UBR4: variants seen among roughly 807,000 people sequenced by gnomAD.
UBR4 encodes ubiquitin protein ligase E3 component n-recognin 4.
UBR4 carries 124 observed loss-of-function variants against 575.6 expected under a neutral mutation model. The observed-to-expected ratio is 0.22, with a 90% confidence interval of 0.19 to 0.25. UBR4 has a LOEUF of 0.25. UBR4 is among the 10% of genes least tolerant of loss of function. UBR4 has a pLI of 1.00. For missense variants in UBR4, 4,818 were observed against 6,478.8 expected (o/e 0.74, Z 8.80); for synonymous variants, 2,455 against 2,473.7 (o/e 0.99, Z 0.22).
At chr1:19,114,208 C>G (rs1291362050) in intron 75 of UBR4, 138 bp from the exon 76 acceptor site, 1 of 1,145,002 alleles carries the variant, frequency 8.7e-7, no homozygotes, top group East Asian at 2.5e-5. Flanking sequence ...CTGTTCTTCA[C>G]AATAATCTTT....
At position 19,096,506 on chromosome 1, in the gene UBR4, T is replaced by C; in HGVS notation, c.13518+17A>G. ...TGCAGAAAGGCTGGCCCCCACAACTTGCTGCCCCCAACTCACTGTTAGAAG... is the reference window on the plus strand; with the variant it reads ...TGCAGAAAGGCTGGCCCCCACAACTCGCTGCCCCCAACTCACTGTTAGAAG... On this transcript the variant is annotated intron_variant, in intron 92 of 105. Coordinates refer to ENST00000375254, the MANE Select transcript of UBR4 (RefSeq NM_020765.3). 6.2e-7 allele frequency: 1 copy of C among 1,608,944 alleles called. No homozygotes were observed.
In UBR4 at chr1:19,093,206, G is replaced by A; in HGVS notation, c.14111+107C>T. 1 of 1,418,076 alleles carries A rather than the reference G, an allele frequency of 7.1e-7. No individual in the cohort carries two copies. Among genetic ancestry groups the A allele is most frequent in the Non-Finnish European group, 9.6e-7 (1 of 1,039,084 alleles). 87.8% of individuals were successfully genotyped at this position (1,418,076 alleles called of 1,614,324 possible). On this transcript the variant is annotated intron_variant, in intron 96 of 105. Transcript: ENST00000375254. The surrounding 1 kb of genome is among the most constrained non-coding windows in gnomAD (Gnocchi z 4.8). ...TCCAGAAGCGGTTGGGAGGCCCCAA[G>A]GAGGGCAAGGGGCACACGTGAAGCT... is the stretch of plus-strand genomic sequence containing the variant.
chr1:19,112,862 G>A lies in UBR4; in HGVS notation c.11463C>T (p.Val3821=). ...FDELSKIIQK[V]FASRKELLEY... is the part of the protein sequence containing the mutation. ...CCAACAACTCTTTGCGCGAAGCAAA[G>A]ACTTTCTAAGAACAAAAAGGCAACA... The change falls in exon 78 of 106, where the codon GTC becomes GTT. Residue 3821 remains valine (V), a synonymous_variant. Coordinates refer to ENST00000375254, the MANE Select transcript of UBR4 (RefSeq NM_020765.3). 1 of 1,563,802 alleles carries A rather than the reference G, an allele frequency of 6.4e-7. No individual in the cohort carries two copies. Among genetic ancestry groups the A allele is most frequent in the Non-Finnish European group, 8.7e-7 (1 of 1,151,176 alleles).
chr1:19,141,897 A>G (rs906875511), intron 55 of UBR4, 120 bp from the exon 56 acceptor site: 1 of 1,425,900 alleles, frequency 7.0e-7, no homozygotes, highest in Non-Finnish European at 9.5e-7. Flanking sequence ...CCTGGGCTTT[A>G]GCGGGAGAAC....
At chr1:19,155,160 C>G in intron 43 of UBR4, 85 bp from the exon 44 acceptor site, 1 of 1,555,694 alleles carries the variant, frequency 6.4e-7, no homozygotes, top group Non-Finnish European at 8.8e-7. Flanking sequence ...TATTTTCAAT[C>G]ATGATCAGGT....
At chr1:19,115,269 C>T in intron 74 of UBR4, 129 bp downstream of exon 74, 1 of 1,384,676 alleles carries the variant, frequency 7.2e-7, no homozygotes, top group Non-Finnish European at 9.6e-7. Context: ...CTTGAACCCA[C>T]TCTACAAACC....
intron 13 of UBR4, among the ~76,000 whole-genome samples, chr1:19,186,865 A>G (rs953365736): frequency 6.6e-6 from 1 of 152,114 alleles, no homozygotes; most frequent in Non-Finnish European, 1.5e-5. Context: ...GAGTGTTTCC[A>G]TAGTGTCCTC....
At chr1:19,143,435 G>A (rs1469285278) in intron 55 of UBR4, among the ~76,000 whole-genome samples, 5 of 152,072 alleles carry the variant, frequency 3.3e-5, no homozygotes, top group Non-Finnish European at 5.9e-5. Flanking sequence ...TTACTGAATC[G>A]TAAAATGTTA....
At chr1:19,148,207 C>A in intron 50 of UBR4, 80 bp from the exon 51 acceptor site, 1 of 1,501,162 alleles carries the variant, frequency 6.7e-7, no homozygotes, top group Non-Finnish European at 8.9e-7. Context: ...GCCTGCCCTT[C>A]CTTCCTTCTA....
At chr1:19,188,520 C>T (rs1242124195) in intron 11 of UBR4, among the ~76,000 whole-genome samples, 1 of 152,176 alleles carries the variant, frequency 6.6e-6, no homozygotes, top group Non-Finnish European at 1.5e-5. Context: ...TACTACTGCA[C>T]TCCAACCTGG....
chr1:19,195,815 T>C (rs1021677450), intron 8 of UBR4, among the ~76,000 whole-genome samples: 1 of 152,110 alleles, frequency 6.6e-6, no homozygotes, highest in Non-Finnish European at 1.5e-5. Flanking sequence ...TCCTAAAATA[T>C]AGCTCAGATC....
rs1425268871 is a variant in UBR4 at position 19,167,143 on chromosome 1, T to C, written c.3988A>G (p.Ser1330Gly). Reference sequence around the variant, plus strand: ...AAGATGCGTTCCAGGGAGTTGCTACTGATCTCGGCAACACTCTCAGTGCTT... The same window carrying C: ...AAGATGCGTTCCAGGGAGTTGCTACCGATCTCGGCAACACTCTCAGTGCTT... ...ESSTESVAEI[S>G]SNSLERILGP... The change falls in exon 29 of 106, where the codon AGT becomes GGT. Residue 1330 changes from serine to glycine, a missense_variant. Ser to Gly is a moderately conservative substitution (Grantham distance 56). Coordinates refer to ENST00000375254, the MANE Select transcript of UBR4 (RefSeq NM_020765.3). 2 of 1,614,228 alleles carry C rather than the reference T, an allele frequency of 1.2e-6. No individual in the cohort carries two copies. Among genetic ancestry groups the C allele is most frequent in the South Asian group, 2.2e-5 (2 of 91,088 alleles).
At chr1:19,172,315 A>C (rs1166734993) in intron 25 of UBR4, among the ~76,000 whole-genome samples, 1 of 152,048 alleles carries the variant, frequency 6.6e-6, no homozygotes, top group African/African-American at 2.4e-5. Flanking sequence ...TTAGGAATTC[A>C]AGACCAGCCT....
At position 19,121,346 on chromosome 1, in the gene UBR4, G is replaced by C. The variant is rs201979796; in HGVS notation, c.9984C>G (p.Cys3328Trp). 1.2e-6 allele frequency: 2 copies of C among 1,614,178 alleles called. No homozygotes were observed. Residue 3328 changes from cysteine to tryptophan, a missense_variant, in exon 68 of 106, where the codon TGC (cysteine) becomes TGG (tryptophan). By Grantham distance (215) the Cys-to-Trp change is radical. Around this residue, in one of 29 missense-constraint regions of UBR4, gnomAD observed 550 missense variants for 791.5 expected, o/e 0.69. Transcript: ENST00000375254. ...VLLQLLSCAL[C>W]GSKVLAALAA... ...CCAGTGCAGCGAGCACCTTGCTGCC[G>C]CACAGAGCACAGGAGAGCAGTTGCA...
intron 8 of UBR4, among the ~76,000 whole-genome samples, chr1:19,196,015 C>T (rs1206515221): frequency 7.7e-6 from 1 of 130,282 alleles, no homozygotes; most frequent in Non-Finnish European, 1.7e-5. Context: ...CACACACACA[C>T]ACAAACTTAC....
chr1:19,105,109 T>C lies in UBR4; in HGVS notation c.12584A>G (p.His4195Arg), dbSNP rs547523062. The C allele has an allele frequency of 3.7e-6, 6 of 1,614,054 alleles. No individual in the cohort carries two copies. Among genetic ancestry groups the C allele is most frequent in the African/African-American group, 2.7e-5 (2 of 75,010 alleles). The change falls in exon 85 of 106, where the codon CAC becomes CGC. Residue 4195 changes from histidine to arginine, a missense_variant. Around this residue, in one of 29 missense-constraint regions of UBR4, gnomAD observed 178 missense variants for 175.5 expected, o/e 1.01. Transcript: ENST00000375254. ...ALYQKLITSA[H>R]WKVYLAARGV... ...CCGAGCTGCCAAGTAGACTTTCCAG[T>C]GCGCAGAAGTGATGAGCTTCTGGTA...
chr1:19,126,272 G>A (rs1014570233), intron 64 of UBR4, among the ~76,000 whole-genome samples, 174 bp downstream of exon 64: 1 of 152,174 alleles, frequency 6.6e-6, no homozygotes, highest in African/African-American at 2.4e-5. Context: ...TCCCACAGAA[G>A]GTTGGGAGAA....
At chr1:19,205,844 G>T (rs1241042283) in intron 1 of UBR4, among the ~76,000 whole-genome samples, 2 of 152,154 alleles carry the variant, frequency 1.3e-5, no homozygotes, top group Non-Finnish European at 2.9e-5. Context: ...TCTGGAAACA[G>T]AAACCTCGAA....
chr1:19,119,724 G>T, intron 69 of UBR4, 23 bp from the exon 70 acceptor site: 1 of 1,589,516 alleles, frequency 6.3e-7, no homozygotes, highest in Non-Finnish European at 8.6e-7. Flanking sequence ...GACAGCTCAT[G>T]TTACCAAGCA....
Sources: allele counts gnomAD v4.1 joint callset (sites outside exome capture counted in the v4.1 genomes callset), GRCh38; gene constraint gnomAD v4.1.1; regional missense constraint gnomAD v4.1.1; non-coding constraint Gnocchi (gnomAD v3.1); transcripts MANE v1.5; gene names NCBI Gene and HGNC (gene_info 2026-07-23, HGNC 2026-07-21).